Variants in CLEC2A observed in about 807,000 individuals in gnomAD.
The protein encoded by CLEC2A is C-type lectin domain family 2 member A.
CLEC2A carries 19 observed loss-of-function variants against 18.6 expected under a neutral mutation model. The observed-to-expected ratio is 1.02, with a 90% CI of 0.71 to 1.50. CLEC2A has a LOEUF of 1.50. Among genes scored for constraint, CLEC2A ranks in the 40% most tolerant of loss-of-function variants. The pLI is 0.00. For missense variants in CLEC2A, 190 were observed against 207.9 expected (o/e 0.91, Z 0.53); for synonymous variants, 74 against 64.0 (o/e 1.16, Z -0.75).
chr12:9,910,881 G>A (rs1862975113), downstream of CLEC2A, among the ~76,000 whole-genome samples: 2 of 152,128 alleles, frequency 1.3e-5, no homozygotes, highest in South Asian at 4.2e-4. Context: ...TTCCCCAGAG[G>A]AGAAAGGGTA....
intron 4 of CLEC2A, among the ~76,000 whole-genome samples, chr12:9,908,151 A>C (rs1404281934): frequency 6.6e-6 from 1 of 152,172 alleles, no homozygotes; most frequent in Admixed American, 6.5e-5. Context: ...TTTTCTTCTT[A>C]CTACCTCCCC....
At chr12:9,921,362 T>C (rs900927279) in intron 3 of CLEC2A, among the ~76,000 whole-genome samples, 2 of 152,058 alleles carry the variant, frequency 1.3e-5, no homozygotes, top group Non-Finnish European at 2.9e-5. Context: ...GCTGAGGCAG[T>C]AGAATTGCTT....
chr12:9,893,674 C>T (rs1253641615), downstream of CLEC2A: 4 of 420,868 alleles, frequency 9.5e-6, no homozygotes, highest in Non-Finnish European at 1.2e-5. Context: ...TACTTTTTCC[C>T]TTTTAGCTCT....
chr12:9,877,849 A>G, the CLEC2A span, among the ~76,000 whole-genome samples: 2 of 152,246 alleles, frequency 1.3e-5, no homozygotes, highest in Non-Finnish European at 2.9e-5. Context: ...CAATATACGA[A>G]TGAATATATA....
chr12:9,882,673 T>TGGGAGGCTGAGGC, the CLEC2A span, among the ~76,000 whole-genome samples: 1 of 151,736 alleles, frequency 6.6e-6, no homozygotes, highest in Non-Finnish European at 1.5e-5. Flanking sequence ...CCCAACTACT[T>TGGGAGGCTGAGGC]GGGAGGCTGA....
At chr12:9,905,589 A>T (rs960271704) in intron 4 of CLEC2A, among the ~76,000 whole-genome samples, 2 of 152,154 alleles carry the variant, frequency 1.3e-5, no homozygotes, top group South Asian at 2.1e-4. Flanking sequence ...GGCAATGGGG[A>T]GGCATTTAGT....
At chr12:9,907,864 A>T (rs747684256) in intron 4 of CLEC2A, among the ~76,000 whole-genome samples, 2 of 152,212 alleles carry the variant, frequency 1.3e-5, no homozygotes, top group Non-Finnish European at 2.9e-5. Flanking sequence ...GGACAGGCCC[A>T]AAAGGTATCT....
At chr12:9,887,735 T>G in the CLEC2A span, among the ~76,000 whole-genome samples, 1 of 151,894 alleles carries the variant, frequency 6.6e-6, no homozygotes, top group African/African-American at 2.4e-5. Flanking sequence ...TTTTTTTTTT[T>G]TTTTTTGGTC....
chr12:9,898,718 C>T, exon 5 of CLEC2A: 3 of 498,258 alleles, frequency 6.0e-6, no homozygotes, highest in Non-Finnish European at 7.2e-6. Flanking sequence ...AATTTATAGC[C>T]TATTAACTGT....
intron 1 of CLEC2A, among the ~76,000 whole-genome samples, chr12:9,928,700 A>G (rs1403649318): frequency 6.6e-6 from 1 of 152,154 alleles, no homozygotes; most frequent in East Asian, 1.9e-4. Flanking sequence ...TTGAACAAAT[A>G]CTTACAGAAG....
chr12:9,895,141 TAAAC>T, downstream of CLEC2A, among the ~76,000 whole-genome samples: 1 of 152,208 alleles, frequency 6.6e-6, no homozygotes, highest in Non-Finnish European at 1.5e-5. Flanking sequence ...TACTTTGACT[TAAAC>T]AAAATCTTGG....
At chr12:9,886,314 C>A in the CLEC2A span, among the ~76,000 whole-genome samples, 4 of 151,994 alleles carry the variant, frequency 2.6e-5, no homozygotes, top group East Asian at 1.9e-4. Context: ...ATTTATATCT[C>A]CTCTCTCCCA....
the CLEC2A span, chr12:9,885,085 C>A: frequency 5.0e-6 from 3 of 599,030 alleles, no homozygotes; most frequent in South Asian, 2.1e-4. Context: ...AAATGTTGAT[C>A]CTTCATTCCT....
intron 2 of CLEC2A, 58 bp from the exon 3 acceptor site, chr12:9,922,290 C>T: frequency 7.3e-7 from 1 of 1,377,622 alleles, no homozygotes; most frequent in Non-Finnish European, 9.6e-7. Context: ...TGTTTCTACT[C>T]ATTCAGGTGT....
chr12:9,878,326 T>C, the CLEC2A span, among the ~76,000 whole-genome samples: 1 of 152,188 alleles, frequency 6.6e-6, no homozygotes, highest in African/African-American at 2.4e-5. Flanking sequence ...ATTTATTGAG[T>C]ATCTCAACCC....
intron 4 of CLEC2A, among the ~76,000 whole-genome samples, chr12:9,902,455 A>G (rs1862844545): frequency 6.6e-6 from 1 of 150,694 alleles, no homozygotes; most frequent in Non-Finnish European, 1.5e-5. Context: ...CTGGTCTTGA[A>G]CTCCTAACCT....
At chr12:9,884,757 A>G in the CLEC2A span, among the ~76,000 whole-genome samples, 227 of 151,506 alleles carry the variant, frequency 1.5e-3, 1 homozygote, top group African/African-American at 4.8e-3. Context: ...AAAACGTTTA[A>G]TAATAGTAGT....
the CLEC2A span, chr12:9,881,546 A>T: frequency 7.5e-7 from 1 of 1,330,180 alleles, no homozygotes; most frequent in East Asian, 2.5e-5. Flanking sequence ...ATTAGTTTCC[A>T]TTTTCTTTGT....
intron 3 of CLEC2A, among the ~76,000 whole-genome samples, chr12:9,919,089 C>G (rs1033820961): frequency 6.6e-6 from 1 of 152,160 alleles, no homozygotes; most frequent in Non-Finnish European, 1.5e-5. Context: ...CATGTTCTCT[C>G]TCAATGTTCT....
Sources: allele counts gnomAD v4.1 joint callset (sites outside exome capture counted in the v4.1 genomes callset), GRCh38; gene constraint gnomAD v4.1.1; transcripts MANE v1.5; gene names NCBI Gene and HGNC (gene_info 2026-07-23, HGNC 2026-07-21).